The following NDUFAF6 variants were observed in gnomAD, a reference collection of about 807,000 sequenced individuals.
NDUFAF6 encodes NADH dehydrogenase (ubiquinone) complex I, assembly factor 6.
A neutral mutation model predicts 40.8 loss-of-function variants in NDUFAF6; 45 were observed. That is an observed-to-expected ratio of 1.10 (90% CI 0.87 to 1.42). The LOEUF is 1.42. Ranked by LOEUF, NDUFAF6 falls within the 40% of genes most tolerant of loss-of-function variation. The pLI is 0.00. For synonymous variants in NDUFAF6, 185 were observed against 155.9 expected, an observed-to-expected ratio of 1.19 and a Z score of -1.39; for missense variants, 435 against 418.5, an observed-to-expected ratio of 1.04 and a Z score of -0.34.
chr8:94,966,893 G>T (rs2131509721), intron 1 of NDUFAF6, among the ~76,000 whole-genome samples: 1 of 152,280 alleles, frequency 6.6e-6, no homozygotes. Context: ...CTTTCCAGGA[G>T]ACTCACTACA....
At chr8:95,005,923 C>T (rs573361022) in intron 2 of NDUFAF6, among the ~76,000 whole-genome samples, 111 of 152,186 alleles carry the variant, frequency 7.3e-4, no homozygotes, top group African/African-American at 2.2e-3. Context: ...ACCGGGCAGA[C>T]GAGAGGAAGA....
chr8:94,977,049 G>T (rs1825011175), intron 1 of NDUFAF6, among the ~76,000 whole-genome samples: 1 of 149,602 alleles, frequency 6.7e-6, no homozygotes. Flanking sequence ...TAGGTGAGAG[G>T]ATCACCTAAA....
At chr8:94,982,149 G>C (rs145839027) in intron 2 of NDUFAF6, among the ~76,000 whole-genome samples, 2 of 151,496 alleles carry the variant, frequency 1.3e-5, no homozygotes, top group African/African-American at 4.9e-5. Flanking sequence ...GGAGAATGGC[G>C]TGAACCCAGG....
intron 4 of NDUFAF6, among the ~76,000 whole-genome samples, chr8:95,112,911 C>T (rs1322000782): frequency 2.0e-5 from 3 of 152,236 alleles, no homozygotes; most frequent in Admixed American, 1.3e-4. Context: ...CGCCAGTTGC[C>T]ACGATGGAGC....
chr8:94,948,293 G>A (rs758537626), intron 2 of NDUFAF6, among the ~76,000 whole-genome samples: 1 of 152,116 alleles, frequency 6.6e-6, no homozygotes, highest in Admixed American at 6.5e-5. Flanking sequence ...TCTGTGCCTC[G>A]GGTTTCCTAT....
chr8:94,925,176 C>G (rs1819784040), intron 1 of NDUFAF6, among the ~76,000 whole-genome samples: 2 of 152,208 alleles, frequency 1.3e-5, no homozygotes, highest in South Asian at 4.1e-4. Context: ...TAATAAAAAT[C>G]TGACTTTAAA....
chr8:94,928,096 G>C (rs1196601473), intron 1 of NDUFAF6: 2 of 151,980 alleles, frequency 1.3e-5, no homozygotes, highest in Non-Finnish European at 2.9e-5. Context: ...CCAATTTTAG[G>C]CAGAAACCAC....
rs535648671 is a variant in NDUFAF6 at position 94,949,595 on chromosome 8, C to A, written c.-799+3976C>A. Reference sequence around the variant, plus strand: ...AGCTGAGCGTGAAGGCCTGGGCGAGCGGAAGGGTGGGAGAGAGGGGCTAGG... The same window carrying A: ...AGCTGAGCGTGAAGGCCTGGGCGAGAGGAAGGGTGGGAGAGAGGGGCTAGG... On this transcript the variant is annotated intron_variant, in intron 2 of 14. Transcript: ENST00000396113. Among the ~76,000 whole-genome samples the A allele has an allele frequency of 2.6e-5, 4 of 151,152 alleles. No individual in the cohort carries two copies. In the South Asian group the frequency reaches 8.4e-4, roughly 32 times the overall value.
In NDUFAF6 at chr8:95,031,993, A is replaced by C; in HGVS notation, c.198-2A>C. The C allele has an allele frequency of 6.2e-7, 1 of 1,613,470 alleles. No homozygotes were observed. Among genetic ancestry groups the C allele is most frequent in the Non-Finnish European group, 8.5e-7 (1 of 1,179,414 alleles). ...ACTGTCTTTTTTTTCTGTCTGTTAC[A>C]GGAAACGGGATTATGAAGGTTATTT... On this transcript the variant is annotated splice_acceptor_variant, in intron 1 of 8. Transcript: ENST00000396124. LOFTEE classifies it high-confidence loss of function.
chr8:95,107,817 A>T (rs565958258), downstream of NDUFAF6, among the ~76,000 whole-genome samples: 12 of 152,326 alleles, frequency 7.9e-5, no homozygotes, highest in African/African-American at 2.9e-4. Flanking sequence ...CAGGAGCTAG[A>T]GGAGCTTGGG....
At chr8:94,929,292 A>G (rs1820167140) in intron 1 of NDUFAF6, 1 of 152,120 alleles carries the variant, frequency 6.6e-6, no homozygotes, top group Non-Finnish European at 1.5e-5. Context: ...GAGGGAGGTA[A>G]ATGTCACTGC....
chr8:94,979,415 C>G (rs1241273639), intron 1 of NDUFAF6, among the ~76,000 whole-genome samples: 22 of 152,126 alleles, frequency 1.4e-4, no homozygotes. Flanking sequence ...TCCTTGTTTT[C>G]AAAAGTGGCT....
intron 7 of NDUFAF6, among the ~76,000 whole-genome samples, chr8:95,049,697 A>G (rs1216134606): frequency 6.6e-6 from 1 of 152,108 alleles, no homozygotes; most frequent in African/African-American, 2.4e-5. Flanking sequence ...TTAGTGCTCA[A>G]ATGTCACCTT....
chr8:94,957,215 C>T (rs1823160239), upstream of NDUFAF6, among the ~76,000 whole-genome samples: 1 of 152,028 alleles, frequency 6.6e-6, no homozygotes. Flanking sequence ...ATGAGGGACA[C>T]AAACTGAGCT....
At chr8:95,014,207 A>T (rs750956337) in intron 2 of NDUFAF6, among the ~76,000 whole-genome samples, 8 of 152,258 alleles carry the variant, frequency 5.3e-5, no homozygotes, top group Non-Finnish European at 7.3e-5. Context: ...AGCCCTAGGC[A>T]ACTAATACAG....
chr8:95,058,650 T>C lies in NDUFAF6; in HGVS notation c.*713T>C. On this transcript the variant is annotated 3_prime_UTR_variant, in exon 9 of 9. Coordinates refer to ENST00000396124, the MANE Select transcript of NDUFAF6 (RefSeq NM_152416.4). Reference sequence around the variant, plus strand: ...CGTGAACAAAATTGTACTGAGAAAGTTTGTATAAGTGATATGAACGGTATT... The same window carrying C: ...CGTGAACAAAATTGTACTGAGAAAGCTTGTATAAGTGATATGAACGGTATT... 1 of 1,085,898 alleles carries C rather than the reference T, an allele frequency of 9.2e-7. No homozygotes were observed. Among genetic ancestry groups the C allele is most frequent in the Non-Finnish European group, 1.1e-6 (1 of 896,310 alleles). 67.3% of individuals were successfully genotyped at this position (1,085,898 alleles called of 1,614,324 possible).
intron 3 of NDUFAF6, 21 bp downstream of exon 3, chr8:95,035,597 C>G (rs1275543136): frequency 6.4e-7 from 1 of 1,554,180 alleles, no homozygotes. Context: ...AAAAATACCA[C>G]TTTTAATTTG....
At chr8:95,049,124 C>T (rs118083603) in intron 7 of NDUFAF6, among the ~76,000 whole-genome samples, 1 of 152,206 alleles carries the variant, frequency 6.6e-6, no homozygotes, top group Admixed American at 6.5e-5. Context: ...TGGCTCCTAT[C>T]CTGCCCACTC....
At chr8:94,980,029 G>A (rs544312871) in intron 1 of NDUFAF6, among the ~76,000 whole-genome samples, 1 of 151,682 alleles carries the variant, frequency 6.6e-6, no homozygotes, top group Non-Finnish European at 1.5e-5. Flanking sequence ...CTAGGAAGGC[G>A]GAGGTTACAG....
Sources: gnomAD v4.1 joint callset for allele counts (sites outside exome capture counted in the v4.1 genomes callset) on GRCh38, gnomAD v4.1.1 for gene constraint, MANE v1.5 for transcripts, NCBI Gene and HGNC (gene_info 2026-07-23, HGNC 2026-07-21) for gene names.